Variants in PLD1 observed in about 807,000 individuals in gnomAD.
PLD1 encodes phospholipase D1.
A neutral mutation model predicts 137.1 loss-of-function variants in PLD1; 112 were observed. The observed-to-expected ratio is 0.82, with a 90% CI of 0.70 to 0.96. The LOEUF is 0.96. Among genes scored for constraint, PLD1 ranks in the 40% least tolerant of loss-of-function variants. The pLI is 0.00. For synonymous variants in PLD1, 431 were observed against 454.7 expected, an observed-to-expected ratio of 0.95 and a Z score of 0.66; for missense variants, 1,321 against 1,342.0, an observed-to-expected ratio of 0.98 and a Z score of 0.24.
intron 1 of PLD1, among the ~76,000 whole-genome samples, chr3:171,745,997 CG>C (rs938324692): frequency 6.9e-6 from 1 of 144,460 alleles, no homozygotes; most frequent in Non-Finnish European, 1.5e-5. Flanking sequence ...CTGGCGCCAC[CG>C]GCCCCGGGCA....
intron 25 of PLD1, among the ~76,000 whole-genome samples, chr3:171,609,251 G>A (rs1732448388): frequency 6.6e-6 from 1 of 152,106 alleles, no homozygotes; most frequent in South Asian, 2.1e-4. Flanking sequence ...CTGTTGGTGA[G>A]GATGTGGAGA....
At chr3:171,605,004 A>C (rs1238163808) in intron 26 of PLD1, among the ~76,000 whole-genome samples, 1 of 152,142 alleles carries the variant, frequency 6.6e-6, no homozygotes, top group Non-Finnish European at 1.5e-5. Flanking sequence ...TCTCTTTGTC[A>C]CTAGACATGT....
At chr3:171,786,209 G>C (rs1238395909) in intron 1 of PLD1, among the ~76,000 whole-genome samples, 3 of 152,050 alleles carry the variant, frequency 2.0e-5, no homozygotes, top group Non-Finnish European at 4.4e-5. Context: ...CCAACTATTT[G>C]GAAATAGCAA....
rs1723322422 is a variant in PLD1 at position 171,793,968 on chromosome 3, AC to A, written c.-32+16430del. ...AGACCAGCCTGGCCAACATGGCAAA[AC>A]CCCGTCTCTACTAAAAATATAAAAA... On this transcript the variant is annotated intron_variant, in intron 1 of 26. Coordinates refer to ENST00000351298, the MANE Select transcript of PLD1 (RefSeq NM_002662.5). 4 of 152,032 alleles carry A rather than the reference AC, an allele frequency of 2.6e-5. No homozygotes were observed. The South Asian group carries it at 8.3e-4, about 32-fold the overall frequency. 9.4% of individuals were successfully genotyped at this position (152,032 alleles called of 1,614,324 possible). A position where few individuals can be genotyped will look rare whatever the true frequency, so the allele number is the denominator to read the frequency against.
chr3:171,671,649 T>C (rs1283738688), intron 19 of PLD1, among the ~76,000 whole-genome samples: 1 of 152,104 alleles, frequency 6.6e-6, no homozygotes. Context: ...TAAGAATGCA[T>C]AAAACAAGAG....
chr3:171,601,449 G>A lies in PLD1; in HGVS notation c.*1629C>T, dbSNP rs1248692383. ...TTATTTACAATGGCTATAGAATGAA[G>A]TCATTTTACCATCTTTAGCCATATG... On this transcript the variant is annotated 3_prime_UTR_variant, in exon 27 of 27. Transcript: ENST00000351298. 6.6e-6 allele frequency: 1 copy of A among 151,940 alleles called. No homozygotes were observed. The allele number at this position is 151,940 out of a possible 1,614,324, so 9.4% of individuals were successfully genotyped here. A position where few individuals can be genotyped will look rare whatever the true frequency, so the allele number is the denominator to read the frequency against.
intron 23 of PLD1, among the ~76,000 whole-genome samples, chr3:171,629,820 C>T (rs1734505551): frequency 6.6e-6 from 1 of 152,188 alleles, no homozygotes; most frequent in Non-Finnish European, 1.5e-5. Context: ...ATGGAGAAAG[C>T]TGAAACTGGA....
chr3:171,697,387 G>A (rs1715843081), intron 12 of PLD1, among the ~76,000 whole-genome samples: 1 of 151,888 alleles, frequency 6.6e-6, no homozygotes, highest in Non-Finnish European at 1.5e-5. Context: ...TGGGACTATA[G>A]GCGCCCGCCA....
At chr3:171,810,337 A>C (rs1665795942) in intron 1 of PLD1, 62 bp downstream of exon 1, 2 of 151,896 alleles carry the variant, frequency 1.3e-5, no homozygotes, top group African/African-American at 4.8e-5. Context: ...ACGGAGGGCG[A>C]GGGCAGTGGA....
rs71308520 is a variant in PLD1 at position 171,682,168 on chromosome 3, A to G, written c.1868-4474T>C. The stretch of plus-strand genomic sequence containing the variant: ...AGAAAGAAAGAAAGAAAGAAAGAAA[A>G]AGAAAGAAAGAAAGAAAGAAAGGGA... On this transcript the variant is annotated intron_variant, in intron 16 of 26. Transcript: ENST00000351298. Among the ~76,000 whole-genome samples, 212 of 105,796 alleles carry G rather than the reference A, an allele frequency of 2.0e-3. 5 individuals are homozygous for G. Among genetic ancestry groups the G allele is most frequent in the Middle Eastern group, 4.5e-3 (1 of 222 alleles). 69.4% of individuals were successfully genotyped at this position (105,796 alleles called of 152,430 possible).
chr3:171,605,473 A>G, intron 25 of PLD1, 57 bp from the exon 26 acceptor site: 1 of 924,624 alleles, frequency 1.1e-6, no homozygotes, highest in Non-Finnish European at 1.8e-6. Flanking sequence ...TTGTTGCAGG[A>G]TATATGTCTA....
rs533162631 is a variant in PLD1, at chr3:171,762,418, A to C, written c.-31-24336T>G. 5.9e-5 allele frequency among the ~76,000 whole-genome samples: 9 copies of C among 152,332 alleles called. No homozygotes were observed. In the South Asian group the frequency reaches 1.9e-3, roughly 32 times the overall value. On this transcript the variant is annotated intron_variant, in intron 1 of 26. Coordinates refer to ENST00000351298, the MANE Select transcript of PLD1 (RefSeq NM_002662.5). Reference sequence around the variant, plus strand: ...TCTTCCACTGTATTGAGAAGCTACTAAGTGTCAGGGGCTGGGATGGGGTTT... The same window carrying C: ...TCTTCCACTGTATTGAGAAGCTACTCAGTGTCAGGGGCTGGGATGGGGTTT...
intron 1 of PLD1, among the ~76,000 whole-genome samples, chr3:171,742,426 A>C (rs541981578): frequency 1.3e-5 from 2 of 152,272 alleles, no homozygotes; most frequent in African/African-American, 4.8e-5. Context: ...AAAACAACCC[A>C]CATTCACTCT....
chr3:171,807,708 A>G (rs1240757468), intron 1 of PLD1, among the ~76,000 whole-genome samples: 1 of 152,260 alleles, frequency 6.6e-6, no homozygotes. Context: ...TCAACCCAGC[A>G]GCCCCATTAC....
chr3:171,789,792 C>A (rs2108349693), intron 1 of PLD1: 1 of 152,336 alleles, frequency 6.6e-6, no homozygotes, highest in Middle Eastern at 3.4e-3. Flanking sequence ...TAGCATCACT[C>A]ACTTGCTGCC....
Position 171,656,774 on chromosome 3 carries a change from T to C in PLD1, c.2429+2439A>G, listed in dbSNP as rs138417203. On this transcript the variant is annotated intron_variant, in intron 21 of 26. Coordinates refer to ENST00000351298, the MANE Select transcript of PLD1 (RefSeq NM_002662.5). Reference sequence around the variant, plus strand: ...ATCCCCTCACCATGGGATCAAGACATCCATCCCATCAGCTACTGAGCATGT... The same window carrying C: ...ATCCCCTCACCATGGGATCAAGACACCCATCCCATCAGCTACTGAGCATGT... 4.6e-3 allele frequency among the ~76,000 whole-genome samples: 693 copies of C among 152,294 alleles called. 6 individuals are homozygous for C. The highest frequency in any genetic ancestry group is 0.016 in the African/African-American group (665 of 41,560).
chr3:171,783,285 G>A (rs1416623943), intron 1 of PLD1, among the ~76,000 whole-genome samples: 1 of 152,086 alleles, frequency 6.6e-6, no homozygotes, highest in Non-Finnish European at 1.5e-5. Flanking sequence ...TTCCAGGAAT[G>A]CTCCGTGGTT....
At chr3:171,730,305 C>T (rs1718835186) in intron 6 of PLD1, among the ~76,000 whole-genome samples, 1 of 152,016 alleles carries the variant, frequency 6.6e-6, no homozygotes, top group African/African-American at 2.4e-5. Context: ...CATTTGTCCC[C>T]ATTTTACAAA....
chr3:171,705,958 A>T (rs1377048940), intron 11 of PLD1, among the ~76,000 whole-genome samples: 3 of 152,188 alleles, frequency 2.0e-5, no homozygotes, highest in Non-Finnish European at 4.4e-5. Flanking sequence ...TGCTTCAGAG[A>T]CCATACATGA....
Sources: gnomAD v4.1 joint callset for allele counts (sites outside exome capture counted in the v4.1 genomes callset) on GRCh38, gnomAD v4.1.1 for gene constraint, MANE v1.5 for transcripts, NCBI Gene and HGNC (gene_info 2026-07-23, HGNC 2026-07-21) for gene names.